The following SLC10A7 variants were observed in gnomAD, a reference collection of about 807,000 sequenced individuals.
SLC10A7 encodes sodium/bile acid cotransporter 7.
In SLC10A7, 29 loss-of-function variants were observed where a neutral mutation model predicts 43.2. The observed-to-expected ratio is 0.67, with a 90% CI of 0.50 to 0.92. The LOEUF is 0.92. Among genes scored for constraint, SLC10A7 ranks in the 40% least tolerant of loss-of-function variants. SLC10A7 has a pLI of 0.00. For missense variants in SLC10A7, 295 were observed against 403.2 expected, an observed-to-expected ratio of 0.73 and a Z score of 2.30; for synonymous variants, 152 against 144.8, an observed-to-expected ratio of 1.05 and a Z score of -0.35.
intron 9 of SLC10A7, among the ~76,000 whole-genome samples, chr4:146,289,964 T>C (rs1474075451): frequency 6.7e-6 from 1 of 149,338 alleles, no homozygotes; most frequent in Non-Finnish European, 1.5e-5. Context: ...TCCACCCACC[T>C]TGGCCTCCCA....
At chr4:146,333,403 C>T (rs1733667764) in intron 5 of SLC10A7, among the ~76,000 whole-genome samples, 1 of 151,970 alleles carries the variant, frequency 6.6e-6, no homozygotes, top group African/African-American at 2.4e-5. Context: ...TTAGAGAAGA[C>T]AGTTAAGCAA....
chr4:146,394,634 T>C (rs749591201), intron 5 of SLC10A7, among the ~76,000 whole-genome samples: 4 of 152,106 alleles, frequency 2.6e-5, no homozygotes, highest in Non-Finnish European at 5.9e-5. Context: ...AGTGCTAGGA[T>C]TACAAACCTG....
At chr4:146,303,558 T>G (rs1731311652) in intron 7 of SLC10A7, among the ~76,000 whole-genome samples, 1 of 152,006 alleles carries the variant, frequency 6.6e-6, no homozygotes, top group African/African-American at 2.4e-5. Context: ...TTTTGTATTT[T>G]TAATAGAAAC....
chr4:146,289,143 G>A (rs573906832), intron 9 of SLC10A7, among the ~76,000 whole-genome samples: 5 of 152,262 alleles, frequency 3.3e-5, no homozygotes, highest in East Asian at 1.9e-4. Flanking sequence ...GACCTCTTCC[G>A]TCATTAGCTG....
intron 4 of SLC10A7, among the ~76,000 whole-genome samples, chr4:146,480,097 T>C (rs1282725009): frequency 6.6e-6 from 1 of 152,162 alleles, no homozygotes; most frequent in Non-Finnish European, 1.5e-5. Context: ...AATGTGTATT[T>C]CTAAAAGAAT....
intron 5 of SLC10A7, chr4:146,442,189 C>A: frequency 2.1e-6 from 2 of 967,452 alleles, no homozygotes; most frequent in African/African-American, 3.5e-5. Flanking sequence ...GCTAAAACAA[C>A]GTCCTTATAT....
At chr4:146,313,167 G>A (rs1578857770) in intron 6 of SLC10A7, among the ~76,000 whole-genome samples, 5 of 152,224 alleles carry the variant, frequency 3.3e-5, no homozygotes, top group South Asian at 4.1e-4. Flanking sequence ...GACCCTACCC[G>A]CTTAAGGAGC....
intron 9 of SLC10A7, among the ~76,000 whole-genome samples, chr4:146,289,237 C>T (rs967496221): frequency 6.6e-6 from 1 of 152,194 alleles, no homozygotes; most frequent in Non-Finnish European, 1.5e-5. Context: ...TAATGATCAT[C>T]GCCATCTTCC....
chr4:146,338,038 G>T (rs1049617266), intron 5 of SLC10A7, among the ~76,000 whole-genome samples: 2 of 151,944 alleles, frequency 1.3e-5, no homozygotes, highest in Non-Finnish European at 2.9e-5. Flanking sequence ...AAGATTTAAT[G>T]TGTATCTGCC....
At chr4:146,498,120 T>C (rs1736063934) in intron 4 of SLC10A7, among the ~76,000 whole-genome samples, 1 of 152,010 alleles carries the variant, frequency 6.6e-6, no homozygotes, top group Non-Finnish European at 1.5e-5. Context: ...ATTACTTTTT[T>C]TTTTTTTTTT....
chr4:146,408,503 A>AAAAACAAAAC (rs567147524), intron 5 of SLC10A7: 3 of 152,390 alleles, frequency 2.0e-5, no homozygotes, highest in African/African-American at 7.2e-5. Context: ...CTGTGTCTCA[A>AAAAACAAAAC]AAAACAAAAC....
intron 5 of SLC10A7, among the ~76,000 whole-genome samples, chr4:146,397,331 G>C (rs569773457): frequency 1.2e-4 from 19 of 152,254 alleles, no homozygotes; most frequent in Admixed American, 3.3e-4. Flanking sequence ...AAAGTTTTCA[G>C]ACATCTGGGT....
intron 5 of SLC10A7, chr4:146,442,189 C>T (rs955538091): frequency 3.0e-5 from 29 of 967,342 alleles, no homozygotes; most frequent in Admixed American, 1.9e-4. Flanking sequence ...GCTAAAACAA[C>T]GTCCTTATAT....
At chr4:146,318,637 T>C (rs1732485039) in intron 6 of SLC10A7, among the ~76,000 whole-genome samples, 1 of 152,046 alleles carries the variant, frequency 6.6e-6, no homozygotes, top group African/African-American at 2.4e-5. Flanking sequence ...TATACATCTC[T>C]AGTTAAGATC....
chr4:146,449,945 C>T (rs1483724526), intron 4 of SLC10A7, among the ~76,000 whole-genome samples: 1 of 151,976 alleles, frequency 6.6e-6, no homozygotes, highest in Non-Finnish European at 1.5e-5. Context: ...ACCAGAAAAC[C>T]ATGAGATTGA....
At chr4:146,341,738 T>TA (rs1734276055) in intron 5 of SLC10A7, among the ~76,000 whole-genome samples, 1 of 151,820 alleles carries the variant, frequency 6.6e-6, no homozygotes, top group Non-Finnish European at 1.5e-5. Flanking sequence ...TAATGTATGG[T>TA]AAAGCCTTCT....
At chr4:146,340,055 T>C (rs1040411388) in intron 5 of SLC10A7, among the ~76,000 whole-genome samples, 2 of 151,990 alleles carry the variant, frequency 1.3e-5, no homozygotes, top group South Asian at 4.1e-4. Context: ...TCTTTCCCTA[T>C]CTACCTCTCA....
At chr4:146,435,580 C>A (rs938167272) in intron 5 of SLC10A7, among the ~76,000 whole-genome samples, 2 of 152,148 alleles carry the variant, frequency 1.3e-5, no homozygotes, top group Non-Finnish European at 2.9e-5. Context: ...TGGCTCACCA[C>A]ACTATTATGC....
At chr4:146,388,243 G>T (rs1738149051) in intron 5 of SLC10A7, among the ~76,000 whole-genome samples, 1 of 152,112 alleles carries the variant, frequency 6.6e-6, no homozygotes, top group Non-Finnish European at 1.5e-5. Flanking sequence ...CAGTGGAACA[G>T]AATAGAGAAC....
Sources: gnomAD v4.1 joint callset for allele counts (sites outside exome capture counted in the v4.1 genomes callset) on GRCh38, gnomAD v4.1.1 for gene constraint, MANE v1.5 for transcripts, NCBI Gene and HGNC (gene_info 2026-07-23, HGNC 2026-07-21) for gene names.